CREB5: variants seen among roughly 807,000 people sequenced by gnomAD.
CREB5 encodes cAMP responsive element binding protein 5.
CREB5 carries 19 observed loss-of-function variants against 57.1 expected under a neutral mutation model. The observed-to-expected ratio is 0.33, with a 90% confidence interval of 0.23 to 0.49. The LOEUF (loss-of-function observed/expected upper bound fraction) is 0.49. CREB5 is among the 20% of genes least tolerant of loss of function. CREB5 has a pLI of 0.99. For synonymous variants in CREB5, 238 were observed against 238.3 expected (o/e 1.00, Z 0.01); for missense variants, 579 against 671.6 (o/e 0.86, Z 1.52).
At chr7:28,790,476 A>AG (rs1807627809) in intron 7 of CREB5, among the ~76,000 whole-genome samples, 6 of 133,488 alleles carry the variant, frequency 4.5e-5, no homozygotes, top group Non-Finnish European at 6.6e-5. Flanking sequence ...GAGAGAGAGA[A>AG]AGAAAGAAAG....
intron 4 of CREB5, among the ~76,000 whole-genome samples, chr7:28,551,056 A>C (rs990559643): frequency 3.9e-5 from 6 of 152,072 alleles, no homozygotes; most frequent in African/African-American, 1.4e-4. Flanking sequence ...CCAATGATTA[A>C]TTTGATTCTT....
At chr7:28,807,849 G>A (rs770931308) in intron 8 of CREB5, among the ~76,000 whole-genome samples, 5 of 152,062 alleles carry the variant, frequency 3.3e-5, no homozygotes, top group Non-Finnish European at 7.3e-5. Context: ...GTGCATGAGG[G>A]AAAGCATTAG....
chr7:28,590,672 TATAATAATA>T (rs71555752), intron 5 of CREB5, among the ~76,000 whole-genome samples: 26,323 of 142,828 alleles, frequency 0.18, 2,406 homozygotes, highest in East Asian at 0.26. Context: ...GAACTTAAAG[TATAATAATA>T]ATAATAATAA....
chr7:28,683,809 A>G (rs532330020), intron 5 of CREB5, among the ~76,000 whole-genome samples: 4 of 152,328 alleles, frequency 2.6e-5, no homozygotes, highest in African/African-American at 9.6e-5. Flanking sequence ...ACTGAAAAAC[A>G]GCAGAAGCCT....
At chr7:28,560,807 CGCGTGTGT>C (rs1195307404) in intron 4 of CREB5, among the ~76,000 whole-genome samples, 2 of 15,106 alleles carry the variant, frequency 1.3e-4, no homozygotes, top group Non-Finnish European at 3.3e-4. Flanking sequence ...AGTGTGTGTG[CGCGTGTGT>C]GTGTGTGCGC....
chr7:28,599,426 G>A (rs1303759085), intron 5 of CREB5, among the ~76,000 whole-genome samples: 2 of 152,132 alleles, frequency 1.3e-5, no homozygotes, highest in African/African-American at 4.8e-5. Context: ...CCATGAGAGT[G>A]TCTGGAAATA....
intron 3 of CREB5, among the ~76,000 whole-genome samples, chr7:28,496,798 GT>G (rs10542662): frequency 0.48 from 71,358 of 148,180 alleles, 17,532 homozygotes; most frequent in South Asian, 0.59. Context: ...GTTTGTTATT[GT>G]TTTTTTTTTT....
At chr7:28,695,669 C>G (rs1268017560) in intron 5 of CREB5, among the ~76,000 whole-genome samples, 1 of 152,142 alleles carries the variant, frequency 6.6e-6, no homozygotes, top group Non-Finnish European at 1.5e-5. Context: ...CTTCCCACCA[C>G]TCTCTTCTCT....
At chr7:28,770,533 A>G (rs867373565) in intron 7 of CREB5, among the ~76,000 whole-genome samples, 3 of 152,196 alleles carry the variant, frequency 2.0e-5, no homozygotes, top group Non-Finnish European at 4.4e-5. Flanking sequence ...TCCATTTTTT[A>G]TCTGTTAGTC....
At chr7:28,741,142 A>C (rs1267751567) in intron 7 of CREB5, among the ~76,000 whole-genome samples, 1 of 152,164 alleles carries the variant, frequency 6.6e-6, no homozygotes, top group African/African-American at 2.4e-5. Flanking sequence ...GATCTTCCAC[A>C]AACACTTCCA....
intron 1 of CREB5, among the ~76,000 whole-genome samples, chr7:28,395,898 T>C (rs1205386452): frequency 1.3e-5 from 2 of 152,152 alleles, no homozygotes; most frequent in Non-Finnish European, 2.9e-5. Context: ...TTGGGCTTGC[T>C]GAATGCATGC....
chr7:28,512,647 CTGTGTGTG>C (rs746213187), intron 4 of CREB5, among the ~76,000 whole-genome samples: 1 of 75,404 alleles, frequency 1.3e-5, no homozygotes, highest in African/African-American at 6.1e-5. Flanking sequence ...CATATAATAA[CTGTGTGTG>C]TGTGTGTGTG....
At chr7:28,534,000 C>T (rs1029959471) in intron 4 of CREB5, among the ~76,000 whole-genome samples, 5 of 152,186 alleles carry the variant, frequency 3.3e-5, no homozygotes, top group Non-Finnish European at 7.3e-5. Context: ...AACCTAGATC[C>T]TGTCATCCCA....
At chr7:28,747,083 G>C (rs78032434) in intron 7 of CREB5, among the ~76,000 whole-genome samples, 166 of 146,462 alleles carry the variant, frequency 1.1e-3, no homozygotes, top group African/African-American at 4.0e-3. Flanking sequence ...CTAGAAACAA[G>C]ACTTTTTTTT....
intron 7 of CREB5, among the ~76,000 whole-genome samples, chr7:28,725,425 A>T (rs978797331): frequency 3.3e-5 from 5 of 152,184 alleles, no homozygotes; most frequent in African/African-American, 1.2e-4. Flanking sequence ...ACCTTGGGCA[A>T]ATAAAATCTG....
In CREB5 at chr7:28,434,430, C is replaced by T. The variant is rs970488704; in HGVS notation, c.3+21513C>T. 2.6e-5 allele frequency among the ~76,000 whole-genome samples: 4 copies of T among 152,112 alleles called. No individual in the cohort carries two copies. The East Asian group carries it at 7.7e-4, about 29-fold the overall frequency. Reference sequence around the variant, plus strand: ...TTTTTTCTGCCTATTATCTTAGCAGCTTCTTTATAATGATTATTTTACCCC... The same window carrying T: ...TTTTTTCTGCCTATTATCTTAGCAGTTTCTTTATAATGATTATTTTACCCC... On this transcript the variant is annotated intron_variant, in intron 1 of 10. Coordinates refer to ENST00000357727, the MANE Select transcript of CREB5 (RefSeq NM_182898.4).
At chr7:28,804,559 C>G in intron 8 of CREB5, 37 bp downstream of exon 8, 1 of 1,603,076 alleles carries the variant, frequency 6.2e-7, no homozygotes, top group Non-Finnish European at 8.5e-7. Context: ...CCTTCTTATT[C>G]TCCTTCTTAA....
chr7:28,322,553 C>A (rs1038700603), intron 1 of CREB5, among the ~76,000 whole-genome samples: 3 of 151,956 alleles, frequency 2.0e-5, no homozygotes, highest in African/African-American at 7.3e-5. Flanking sequence ...AGGCTTTAAC[C>A]CCCTAATACA....
At chr7:28,781,183 GA>G (rs1806950319) in intron 7 of CREB5, among the ~76,000 whole-genome samples, 2 of 152,198 alleles carry the variant, frequency 1.3e-5, no homozygotes, top group South Asian at 4.1e-4. Flanking sequence ...AGTAATGAAT[GA>G]AGCCATTTGG....
Sources: allele counts gnomAD v4.1 joint callset (sites outside exome capture counted in the v4.1 genomes callset), GRCh38; gene constraint gnomAD v4.1.1; transcripts MANE v1.5; gene names NCBI Gene and HGNC (gene_info 2026-07-23, HGNC 2026-07-21).